Variants in LIN54 observed in about 807,000 individuals in gnomAD.
LIN54 encodes protein lin-54 homolog.
LIN54 carries 9 observed loss-of-function variants against 78.7 expected under a neutral mutation model. The observed-to-expected ratio is 0.11, with a 90% CI of 0.07 to 0.20. The LOEUF is 0.20. LIN54 is among the 10% of genes least tolerant of loss of function. The pLI is 1.00. For missense variants in LIN54, 573 were observed against 889.9 expected, an observed-to-expected ratio of 0.64 and a Z score of 4.53; for synonymous variants, 269 against 318.4, an observed-to-expected ratio of 0.84 and a Z score of 1.65.
At chr4:82,951,137 A>G (rs1723809280) in intron 4 of LIN54, among the ~76,000 whole-genome samples, 1 of 152,196 alleles carries the variant, frequency 6.6e-6, no homozygotes. Context: ...CAGGAAACAA[A>G]TTTGCAAGCT....
intron 4 of LIN54, among the ~76,000 whole-genome samples, chr4:82,952,865 A>G (rs1723953112): frequency 6.6e-6 from 1 of 152,234 alleles, no homozygotes; most frequent in Admixed American, 6.5e-5. Flanking sequence ...TGCCCATCAC[A>G]AAAAGACAAA....
In LIN54 at chr4:82,938,602, A is replaced by G. The variant is rs189586322; in HGVS notation, c.1441-98T>C. 151 of 691,326 alleles carry G rather than the reference A, an allele frequency of 2.2e-4. No homozygotes were observed. The African/African-American group carries it at 2.3e-3, about 11-fold the overall frequency. The allele number at this position is 691,326 out of a possible 1,614,324, so 42.8% of individuals were successfully genotyped here. ...AAGAAATACAAATTCATCCATTAAGATAAGAAAAACACAATGGAGAATATC... is the reference window on the plus strand; with the variant it reads ...AAGAAATACAAATTCATCCATTAAGGTAAGAAAAACACAATGGAGAATATC... On this transcript the variant is annotated intron_variant, in intron 7 of 12. Coordinates refer to ENST00000340417, the MANE Select transcript of LIN54 (RefSeq NM_194282.4).
intron 4 of LIN54, among the ~76,000 whole-genome samples, chr4:82,956,327 C>CCAACATGGT (rs1724327721): frequency 6.7e-6 from 1 of 148,416 alleles, no homozygotes; most frequent in Non-Finnish European, 1.5e-5. Context: ...GCCAACATGG[C>CCAACATGGT]CAACATGGTG....
rs1721367272 is a variant in LIN54, at chr4:82,925,189, AAGAC to A, written c.*2909_*2912del. ...CTATCATAAGAACATTTCACATTAA[AAGAC>A]AGAGTAGATTGATTTTCTAGGTATT... On this transcript the variant is annotated 3_prime_UTR_variant, in exon 13 of 13. Transcript: ENST00000340417. 6.6e-6 allele frequency: 1 copy of A among 152,566 alleles called. No individual in the cohort carries two copies. Among genetic ancestry groups the A allele is most frequent in the Non-Finnish European group, 1.5e-5 (1 of 68,010 alleles). 9.5% of individuals were successfully genotyped at this position (152,566 alleles called of 1,614,324 possible). A position where few individuals can be genotyped will look rare whatever the true frequency, so the allele number is the denominator to read the frequency against.
At chr4:82,957,515 A>G (rs1017362024) in intron 4 of LIN54, among the ~76,000 whole-genome samples, 4 of 152,266 alleles carry the variant, frequency 2.6e-5, no homozygotes, top group African/African-American at 9.6e-5. Flanking sequence ...TTTTCTCTCC[A>G]TTCCCTCCAA....
intron 1 of LIN54, among the ~76,000 whole-genome samples, chr4:83,009,356 A>G (rs779516745): frequency 2.0e-5 from 3 of 152,192 alleles, no homozygotes; most frequent in Non-Finnish European, 4.4e-5. Context: ...CTAATCATAA[A>G]CATTACCCAT....
chr4:83,009,079 C>T (rs962086376), intron 1 of LIN54, among the ~76,000 whole-genome samples: 4 of 152,090 alleles, frequency 2.6e-5, no homozygotes, highest in Non-Finnish European at 5.9e-5. Flanking sequence ...TAATCATTAT[C>T]GTCATCATTA....
chr4:82,993,908 G>A (rs1406942192), intron 1 of LIN54, among the ~76,000 whole-genome samples: 2 of 152,044 alleles, frequency 1.3e-5, no homozygotes, highest in African/African-American at 4.8e-5. Flanking sequence ...GAGCCACTAC[G>A]CCTGGCCTGA....
intron 1 of LIN54, among the ~76,000 whole-genome samples, chr4:83,000,581 C>T (rs994739755): frequency 2.6e-5 from 4 of 152,162 alleles, no homozygotes; most frequent in Admixed American, 2.6e-4. Context: ...CCACTCAGAA[C>T]CCCATGTTTT....
intron 2 of LIN54, among the ~76,000 whole-genome samples, chr4:82,979,966 A>AAAAAAAAAAAAAAC (rs1726497562): frequency 7.0e-6 from 1 of 142,272 alleles, no homozygotes; most frequent in Non-Finnish European, 1.5e-5. Flanking sequence ...AAAAAAAAAA[A>AAAAAAAAAAAAAAC]TACTGGGTCT....
At chr4:82,958,777 A>C (rs1724550657) in intron 4 of LIN54, among the ~76,000 whole-genome samples, 2 of 152,214 alleles carry the variant, frequency 1.3e-5, no homozygotes, top group South Asian at 2.1e-4. Flanking sequence ...ATCTCGGCTC[A>C]CTGCAAACTC....
chr4:82,961,112 G>A (rs6851518), intron 4 of LIN54, among the ~76,000 whole-genome samples: 151,870 of 152,344 alleles, frequency 1, 75,699 homozygotes, highest in Non-Finnish European at 1. Flanking sequence ...AAATTCCTTT[G>A]AACACATAGT....
At chr4:82,988,078 T>A (rs1201656362) in intron 1 of LIN54, among the ~76,000 whole-genome samples, 1 of 152,242 alleles carries the variant, frequency 6.6e-6, no homozygotes, top group Admixed American at 6.5e-5. Flanking sequence ...CCACTCTGAC[T>A]GGCATGAGAT....
intron 12 of LIN54, among the ~76,000 whole-genome samples, chr4:82,928,698 A>G (rs1221838068): frequency 1.3e-5 from 2 of 152,212 alleles, no homozygotes; most frequent in Non-Finnish European, 2.9e-5. Context: ...AGTGCATGAC[A>G]TAGAGACGCT....
intron 3 of LIN54, among the ~76,000 whole-genome samples, chr4:82,972,491 A>G (rs1725746502): frequency 6.6e-6 from 1 of 152,170 alleles, no homozygotes; most frequent in Non-Finnish European, 1.5e-5. Context: ...GAGCCGCCCT[A>G]AAGTATTCAG....
At position 83,010,775 on chromosome 4, in the gene LIN54, T is replaced by C; in HGVS notation, c.-324A>G. ...GTCATCACCATCACAGCTCAGCAGC[T>C]TCCCCGACAGCCGGAGCCCGGGCCG... On this transcript the variant is annotated 5_prime_UTR_variant, in exon 1 of 13. Coordinates refer to ENST00000340417, the MANE Select transcript of LIN54 (RefSeq NM_194282.4). 1 of 1,228,724 alleles carries C rather than the reference T, an allele frequency of 8.1e-7. No homozygotes were observed. Among genetic ancestry groups the C allele is most frequent in the African/African-American group, 1.6e-5 (1 of 64,260 alleles). 76.1% of individuals were successfully genotyped at this position (1,228,724 alleles called of 1,614,324 possible).
intron 3 of LIN54, 81 bp from the exon 4 acceptor site, chr4:82,970,550 A>G: frequency 8.1e-7 from 1 of 1,241,468 alleles, no homozygotes; most frequent in Non-Finnish European, 1.1e-6. Context: ...CTACACTCAC[A>G]AGGACTGCAG....
upstream of LIN54, chr4:83,012,927 A>C (rs1389812241): frequency 1.4e-5 from 2 of 144,626 alleles, no homozygotes; most frequent in Admixed American, 6.9e-5. Context: ...CCACCGCCGC[A>C]TCCCATAATA....
At chr4:82,936,413 G>A in intron 9 of LIN54, 32 bp from the exon 10 acceptor site, 1 of 1,206,116 alleles carries the variant, frequency 8.3e-7, no homozygotes, top group Non-Finnish European at 1.2e-6. Flanking sequence ...AAGGTAAAAA[G>A]TCATTATTAA....
Sources: gnomAD v4.1 joint callset for allele counts (sites outside exome capture counted in the v4.1 genomes callset) on GRCh38, gnomAD v4.1.1 for gene constraint, MANE v1.5 for transcripts, NCBI Gene and HGNC (gene_info 2026-07-23, HGNC 2026-07-21) for gene names.